Variants in ME1 observed in about 807,000 individuals in gnomAD.
ME1 encodes NADP-dependent malic enzyme.
In ME1, 74 loss-of-function variants were observed where a neutral mutation model predicts 66.4. The observed-to-expected ratio is 1.11, with a 90% CI of 0.92 to 1.35. ME1 has a LOEUF of 1.35. ME1 is among the 40% of genes most tolerant of loss of function. The probability of loss-of-function intolerance (pLI) is 0.00; values close to 1 mark genes in which losing one functional copy is unlikely to be tolerated. For synonymous variants in ME1, 251 were observed against 235.6 expected (o/e 1.07, Z -0.60); for missense variants, 750 against 694.1 (o/e 1.08, Z -0.90).
At chr6:83,357,931 CTCTCTATATATATATATATATA>C (rs1444936955) in intron 3 of ME1, among the ~76,000 whole-genome samples, 2 of 51,754 alleles carry the variant, frequency 3.9e-5, no homozygotes, top group African/African-American at 1.3e-4. Flanking sequence ...CTCTCTCTCT[CTCTCTATATATATATATATATA>C]TATATATATA....
At chr6:83,280,439 C>T (rs182626704) in intron 6 of ME1, among the ~76,000 whole-genome samples, 1 of 152,178 alleles carries the variant, frequency 6.6e-6, no homozygotes, top group East Asian at 1.9e-4. Flanking sequence ...TAAATGTATA[C>T]TATAAACTCT....
In ME1 at chr6:83,254,947, C is replaced by A. The variant is rs79101542; in HGVS notation, c.705-1209G>T. On this transcript the variant is annotated intron_variant, in intron 6 of 13. Transcript: ENST00000369705. ...GCACTAATTTCTCACTTCTTGTCAA[C>A]ATTATAATTCAAGGACAGTCTCAAA... Among the ~76,000 whole-genome samples the A allele has an allele frequency of 9.1e-3, 1,382 of 152,252 alleles. 32 individuals carry two copies. Among genetic ancestry groups the A allele is most frequent in the African/African-American group, 0.032 (1,310 of 41,574 alleles).
intron 5 of ME1, among the ~76,000 whole-genome samples, chr6:83,325,391 AG>A (rs1206460471): frequency 3.3e-5 from 5 of 152,192 alleles, no homozygotes; most frequent in African/African-American, 9.6e-5. Flanking sequence ...AAAGAAATAA[AG>A]GGTATTCCAA....
chr6:83,420,989 A>G (rs978129518), intron 1 of ME1, among the ~76,000 whole-genome samples: 2 of 151,992 alleles, frequency 1.3e-5, no homozygotes, highest in African/African-American at 4.8e-5. Flanking sequence ...AAGAAGGGGA[A>G]AGAAAGAAAG....
chr6:83,430,331 C>T (rs904869079), intron 1 of ME1, among the ~76,000 whole-genome samples: 4 of 152,318 alleles, frequency 2.6e-5, no homozygotes, highest in African/African-American at 4.8e-5. Context: ...GACTCTTAAC[C>T]GTGTCACTCC....
At chr6:83,372,216 G>A (rs73476951) in intron 3 of ME1, among the ~76,000 whole-genome samples, 2,523 of 152,224 alleles carry the variant, frequency 0.017, 62 homozygotes, top group East Asian at 0.061. Context: ...GACAGCCTCT[G>A]TAACTGCTTT....
intron 11 of ME1, among the ~76,000 whole-genome samples, chr6:83,226,636 A>T (rs1018258554): frequency 3.3e-5 from 5 of 152,152 alleles, no homozygotes; most frequent in Admixed American, 3.3e-4. Context: ...TAGAGCCATT[A>T]AGTTCCAGTT....
At chr6:83,407,380 G>C (rs1278966630) in intron 2 of ME1, among the ~76,000 whole-genome samples, 2 of 152,196 alleles carry the variant, frequency 1.3e-5, no homozygotes, top group Non-Finnish European at 2.9e-5. Context: ...TCCAAAGTAA[G>C]TGACCTAAAC....
intron 12 of ME1, among the ~76,000 whole-genome samples, chr6:83,219,173 T>C (rs182091441): frequency 8.4e-4 from 128 of 152,326 alleles, no homozygotes; most frequent in African/African-American, 2.9e-3. Context: ...CTCCACTGAA[T>C]TGAAACTTTT....
intron 6 of ME1, among the ~76,000 whole-genome samples, chr6:83,293,764 T>A (rs1231452303): frequency 6.6e-6 from 1 of 152,218 alleles, no homozygotes; most frequent in Non-Finnish European, 1.5e-5. Flanking sequence ...TTCCAGGGTA[T>A]CTCCTCAATT....
At chr6:83,354,421 G>A (rs1768851018) in intron 3 of ME1, among the ~76,000 whole-genome samples, 1 of 152,114 alleles carries the variant, frequency 6.6e-6, no homozygotes, top group East Asian at 1.9e-4. Context: ...CGTGAGCTAC[G>A]GCACTTGGCC....
chr6:83,247,897 T>C (rs1048734404), intron 7 of ME1, among the ~76,000 whole-genome samples: 44 of 152,200 alleles, frequency 2.9e-4, no homozygotes, highest in African/African-American at 9.9e-4. Context: ...AATTCCTATA[T>C]GGAAATAAAA....
At chr6:83,274,040 A>G (rs909190069) in intron 6 of ME1, among the ~76,000 whole-genome samples, 1 of 152,178 alleles carries the variant, frequency 6.6e-6, no homozygotes, top group Non-Finnish European at 1.5e-5. Flanking sequence ...CTACCTTTCC[A>G]AAATCTGGCT....
chr6:83,332,521 C>G (rs1190563204), intron 5 of ME1, among the ~76,000 whole-genome samples: 3 of 152,148 alleles, frequency 2.0e-5, no homozygotes, highest in Non-Finnish European at 4.4e-5. Flanking sequence ...GCCCATCAAC[C>G]AATGAGTGGA....
chr6:83,328,212 A>G (rs1768338941), intron 5 of ME1, among the ~76,000 whole-genome samples: 1 of 152,208 alleles, frequency 6.6e-6, no homozygotes, highest in Non-Finnish European at 1.5e-5. Context: ...AAACTAACAC[A>G]GGAACAGAAA....
intron 1 of ME1, among the ~76,000 whole-genome samples, chr6:83,416,392 T>A (rs1770160345): frequency 6.6e-6 from 1 of 152,208 alleles, no homozygotes; most frequent in Non-Finnish European, 1.5e-5. Flanking sequence ...AGAATCAGTT[T>A]TCAGAGACCA....
chr6:83,341,558 G>A (rs1768586374), intron 5 of ME1, among the ~76,000 whole-genome samples: 1 of 152,060 alleles, frequency 6.6e-6, no homozygotes, highest in Non-Finnish European at 1.5e-5. Flanking sequence ...TCTCCTTTTA[G>A]AACAAGAACT....
At chr6:83,293,288 T>C (rs193134869) in intron 6 of ME1, among the ~76,000 whole-genome samples, 1 of 152,244 alleles carries the variant, frequency 6.6e-6, no homozygotes, top group Admixed American at 6.5e-5. Flanking sequence ...GTGACCTCCA[T>C]CATAATCATT....
At chr6:83,303,570 G>A (rs1767769623) in intron 6 of ME1, among the ~76,000 whole-genome samples, 1 of 152,132 alleles carries the variant, frequency 6.6e-6, no homozygotes, top group Non-Finnish European at 1.5e-5. Flanking sequence ...TGAATGAGAA[G>A]TTTATTCCTC....
Sources: allele counts gnomAD v4.1 joint callset (sites outside exome capture counted in the v4.1 genomes callset), GRCh38; gene constraint gnomAD v4.1.1; transcripts MANE v1.5; gene names NCBI Gene and HGNC (gene_info 2026-07-23, HGNC 2026-07-21).